Variants in LIN7A observed in about 807,000 individuals in gnomAD.
The protein encoded by LIN7A is lin-7 cell polarity scaffold A.
A neutral mutation model predicts 29.8 loss-of-function variants in LIN7A; 25 were observed. The observed-to-expected ratio is 0.84, with a 90% CI of 0.61 to 1.17. LIN7A has a LOEUF of 1.17. LIN7A is among the 50% of genes most tolerant of loss of function. The pLI is 0.00. For missense variants in LIN7A, 239 were observed against 287.0 expected (o/e 0.83, Z 1.21); for synonymous variants, 118 against 107.5 (o/e 1.10, Z -0.60).
chr12:80,836,066 T>C (rs779205413), intron 4 of LIN7A, among the ~76,000 whole-genome samples: 12 of 152,206 alleles, frequency 7.9e-5, no homozygotes, highest in Non-Finnish European at 1.6e-4. Flanking sequence ...TATTAGAGAC[T>C]CTTGGCATAT....
At chr12:80,855,589 A>G (rs376738181) in intron 2 of LIN7A, among the ~76,000 whole-genome samples, 30 of 152,268 alleles carry the variant, frequency 2.0e-4, no homozygotes, top group East Asian at 1.7e-3. Context: ...GCCATAATGT[A>G]TTTATCATAA....
At chr12:80,812,313 A>G (rs911051108) in intron 4 of LIN7A, among the ~76,000 whole-genome samples, 2 of 152,152 alleles carry the variant, frequency 1.3e-5, no homozygotes, top group Non-Finnish European at 2.9e-5. Flanking sequence ...ACATAAAAAC[A>G]TAAAGTAACT....
At chr12:80,809,427 T>G (rs1871185508) in intron 5 of LIN7A, among the ~76,000 whole-genome samples, 1 of 152,202 alleles carries the variant, frequency 6.6e-6, no homozygotes, top group Non-Finnish European at 1.5e-5. Context: ...CAAATACACA[T>G]TCACAGACAT....
At chr12:80,849,677 T>C (rs930101337) in intron 2 of LIN7A, among the ~76,000 whole-genome samples, 3 of 152,098 alleles carry the variant, frequency 2.0e-5, no homozygotes, top group South Asian at 2.1e-4. Flanking sequence ...TCTCTAGTTT[T>C]ATTTTCCTGT....
At position 80,923,776 on chromosome 12, in the gene LIN7A, T is replaced by C. The variant is rs142244167; in HGVS notation, c.82+13865A>G. Among the ~76,000 whole-genome samples, 59 of 152,338 alleles carry C rather than the reference T, an allele frequency of 3.9e-4. No homozygotes were observed. In the East Asian group the frequency reaches 0.011, roughly 27 times the overall value. ...TGACCTATGCACTTGCTGTTGATAG[T>C]ATAGTCTAGTGGTTAAGCTTAAGTT... is the stretch of plus-strand genomic sequence containing the variant. On this transcript the variant is annotated intron_variant, in intron 1 of 5. Transcript: ENST00000552864.
At chr12:80,860,389 C>T (rs1873803971) in intron 2 of LIN7A, among the ~76,000 whole-genome samples, 1 of 152,158 alleles carries the variant, frequency 6.6e-6, no homozygotes, top group African/African-American at 2.4e-5. Flanking sequence ...CAAAATGTTG[C>T]CAAACTCATA....
At chr12:80,798,558 A>G (rs1870565976) in intron 5 of LIN7A, among the ~76,000 whole-genome samples, 1 of 152,184 alleles carries the variant, frequency 6.6e-6, no homozygotes, top group Non-Finnish European at 1.5e-5. Flanking sequence ...TTATATAACA[A>G]CACATAAGCA....
rs1870407089 is a variant in LIN7A at position 80,795,580 on chromosome 12, T to C, written c.*2147A>G. 6.6e-6 allele frequency: 1 copy of C among 152,174 alleles called. No homozygotes were observed. Among genetic ancestry groups the C allele is most frequent in the African/African-American group, 2.4e-5 (1 of 41,454 alleles). 9.4% of individuals were successfully genotyped at this position (152,174 alleles called of 1,614,324 possible). ...AACTTTAATTTTGACCAAACATTTA[T>C]GACTAAGTGAAAACATACTCACTCA... On this transcript the variant is annotated 3_prime_UTR_variant, in exon 6 of 6. Coordinates refer to ENST00000552864, the MANE Select transcript of LIN7A (RefSeq NM_004664.4).
chr12:80,872,058 C>G (rs1874453209), intron 2 of LIN7A, among the ~76,000 whole-genome samples: 2 of 151,972 alleles, frequency 1.3e-5, no homozygotes, highest in South Asian at 4.1e-4. Context: ...ATAGTTATAT[C>G]TTCAAATACT....
chr12:80,913,665 G>A (rs560066852), intron 1 of LIN7A, among the ~76,000 whole-genome samples: 1 of 152,282 alleles, frequency 6.6e-6, no homozygotes. Context: ...CTGCCATAGC[G>A]AATACATATG....
intron 1 of LIN7A, among the ~76,000 whole-genome samples, chr12:80,932,989 A>G (rs1687088612): frequency 6.6e-6 from 1 of 152,174 alleles, no homozygotes; most frequent in Non-Finnish European, 1.5e-5. Flanking sequence ...ATTCCACACT[A>G]ATCTCCTTAT....
chr12:80,848,387 GA>G, intron 2 of LIN7A, 65 bp from the exon 3 acceptor site: 1 of 1,192,206 alleles, frequency 8.4e-7, no homozygotes, highest in Non-Finnish European at 1.2e-6. Flanking sequence ...TTTTATTGCA[GA>G]AAGAAAATTA....
At chr12:80,831,714 T>G (rs1872358576) in intron 4 of LIN7A, among the ~76,000 whole-genome samples, 1 of 152,222 alleles carries the variant, frequency 6.6e-6, no homozygotes, top group South Asian at 2.1e-4. Context: ...TTATCCCTCC[T>G]GCCAATTTCA....
At chr12:80,900,021 C>T (rs542868860) in intron 1 of LIN7A, among the ~76,000 whole-genome samples, 1 of 151,994 alleles carries the variant, frequency 6.6e-6, no homozygotes, top group African/African-American at 2.4e-5. Context: ...CCCGCCTCGG[C>T]CTCCCTCCTC....
intron 4 of LIN7A, among the ~76,000 whole-genome samples, chr12:80,837,373 A>C (rs1315797623): frequency 6.6e-6 from 1 of 152,144 alleles, no homozygotes; most frequent in Non-Finnish European, 1.5e-5. Flanking sequence ...GCATTATCTC[A>C]GTGGGCCCTA....
chr12:80,846,460 C>T (rs1873083983), intron 3 of LIN7A, among the ~76,000 whole-genome samples: 1 of 152,048 alleles, frequency 6.6e-6, no homozygotes, highest in South Asian at 2.1e-4. Context: ...TGTAATCTTG[C>T]TATTGCCAAC....
intron 4 of LIN7A, among the ~76,000 whole-genome samples, chr12:80,823,304 A>T (rs1242790179): frequency 1.3e-5 from 2 of 152,014 alleles, no homozygotes; most frequent in Non-Finnish European, 2.9e-5. Context: ...GGGAGCCCAG[A>T]CCTAAGAGCT....
chr12:80,882,010 A>C (rs947597359), intron 2 of LIN7A, among the ~76,000 whole-genome samples: 2 of 152,124 alleles, frequency 1.3e-5, no homozygotes, highest in Non-Finnish European at 2.9e-5. Flanking sequence ...GTCATCTAAC[A>C]AGGTATCCAG....
intron 2 of LIN7A, among the ~76,000 whole-genome samples, chr12:80,878,485 T>G (rs1592918440): frequency 6.6e-6 from 1 of 152,162 alleles, no homozygotes. Context: ...ACTTCAAGAA[T>G]GAAGCCATGG....
Sources: gnomAD v4.1 joint callset for allele counts (sites outside exome capture counted in the v4.1 genomes callset) on GRCh38, gnomAD v4.1.1 for gene constraint, MANE v1.5 for transcripts, NCBI Gene and HGNC (gene_info 2026-07-23, HGNC 2026-07-21) for gene names.